Variants in SPECC1 observed in about 807,000 individuals in gnomAD.
The protein encoded by SPECC1 is sperm antigen with calponin homology and coiled-coil domains 1.
A neutral mutation model predicts 104.1 loss-of-function variants in SPECC1; 62 were observed. The observed-to-expected ratio is 0.60, with a 90% CI of 0.49 to 0.74. The LOEUF (loss-of-function observed/expected upper bound fraction) is 0.74, where lower values mean the gene tolerates loss of function less well. Ranked by LOEUF, SPECC1 falls within the 30% of genes least tolerant of loss-of-function variation. The pLI is 0.00. For synonymous variants in SPECC1, 513 were observed against 501.6 expected (o/e 1.02, Z -0.30); for missense variants, 1,306 against 1,310.5 (o/e 1.00, Z 0.05).
chr17:20,165,071 C>T (rs1023290369), intron 3 of SPECC1, among the ~76,000 whole-genome samples: 3 of 152,058 alleles, frequency 2.0e-5, no homozygotes, highest in Admixed American at 1.3e-4. Flanking sequence ...TAAGGATACA[C>T]GTGCATGACA....
intron 3 of SPECC1, chr17:20,126,620 G>A (rs8077051): frequency 0.25 from 37,859 of 152,120 alleles, 5,920 homozygotes; most frequent in African/African-American, 0.45. Context: ...AGTCATATCA[G>A]CTGCAGATAA....
chr17:20,165,899 T>C (rs973771393), intron 3 of SPECC1, among the ~76,000 whole-genome samples: 5 of 152,198 alleles, frequency 3.3e-5, no homozygotes, highest in Non-Finnish European at 5.9e-5. Context: ...GTTTTTTTTT[T>C]CTTGTAAATT....
intron 3 of SPECC1, among the ~76,000 whole-genome samples, chr17:20,184,043 T>G (rs1186302967): frequency 2.0e-5 from 3 of 150,744 alleles, no homozygotes; most frequent in Non-Finnish European, 4.4e-5. Flanking sequence ...TAGCCAGGTG[T>G]GGTGGCACGT....
chr17:20,097,535 G>A (rs1220058524), intron 2 of SPECC1, among the ~76,000 whole-genome samples: 1 of 152,248 alleles, frequency 6.6e-6, no homozygotes, highest in East Asian at 1.9e-4. Context: ...ATGGATTTGA[G>A]ATGCAGACTG....
intron 12 of SPECC1, among the ~76,000 whole-genome samples, chr17:20,291,635 C>A (rs2041168197): frequency 6.6e-6 from 1 of 152,048 alleles, no homozygotes; most frequent in African/African-American, 2.4e-5. Context: ...AGCTCCGCAT[C>A]CTGGGCTCAA....
intron 12 of SPECC1, among the ~76,000 whole-genome samples, chr17:20,279,884 G>A (rs951500860): frequency 6.6e-6 from 1 of 152,176 alleles, no homozygotes; most frequent in African/African-American, 2.4e-5. Context: ...GGATGCAGAA[G>A]CAGAGTGGCT....
chr17:20,102,651 ATTG>A (rs2047997628), intron 2 of SPECC1, among the ~76,000 whole-genome samples: 1 of 152,080 alleles, frequency 6.6e-6, no homozygotes, highest in Admixed American at 6.6e-5. Context: ...TTTACTGAAT[ATTG>A]TTCTTGGATG....
At chr17:20,178,387 C>G (rs1379072280) in intron 3 of SPECC1, among the ~76,000 whole-genome samples, 3 of 152,080 alleles carry the variant, frequency 2.0e-5, no homozygotes, top group Non-Finnish European at 4.4e-5. Flanking sequence ...GTGTTTTTCT[C>G]TGTGTGATGA....
chr17:20,124,170 CAG>C (rs2049172590), intron 3 of SPECC1, among the ~76,000 whole-genome samples: 1 of 150,760 alleles, frequency 6.6e-6, no homozygotes, highest in Non-Finnish European at 1.5e-5. Context: ...TAGATGGCAA[CAG>C]GGAGGGGAAG....
chr17:20,110,696 T>C (rs2048445463), intron 3 of SPECC1, 134 bp downstream of exon 3: 2 of 1,108,096 alleles, frequency 1.8e-6, no homozygotes, highest in Non-Finnish European at 1.2e-6. Flanking sequence ...CCGGAACTGT[T>C]TTAGGCAGAC....
chr17:20,021,697 TA>T (rs1233816893), intron 1 of SPECC1, among the ~76,000 whole-genome samples: 1,502 of 112,930 alleles, frequency 0.013, 12 homozygotes, highest in African/African-American at 0.034. Flanking sequence ...TATATATATA[TA>T]TATATTTTTT....
chr17:20,267,237 C>G (rs1478646345), intron 12 of SPECC1, among the ~76,000 whole-genome samples: 1 of 152,182 alleles, frequency 6.6e-6, no homozygotes, highest in Non-Finnish European at 1.5e-5. Flanking sequence ...TCTCAGTCCT[C>G]AAATTTCATA....
chr17:20,156,069 G>C (rs2032464639), intron 3 of SPECC1: 7 of 1,319,530 alleles, frequency 5.3e-6, no homozygotes, highest in Middle Eastern at 5.7e-4. Context: ...GAAGGCGCCC[G>C]GTCCTTTCTT....
chr17:20,055,234 C>T (rs1275432769), intron 1 of SPECC1, among the ~76,000 whole-genome samples: 1 of 150,858 alleles, frequency 6.6e-6, no homozygotes, highest in East Asian at 1.9e-4. Context: ...CCTCAAGATT[C>T]ATCCATGCTG....
chr17:20,264,581 C>T lies in SPECC1; in HGVS notation c.2940+4287C>T, dbSNP rs549229405. Among the ~76,000 whole-genome samples the T allele has an allele frequency of 8.7e-5, 13 of 149,332 alleles. No homozygotes were observed. In the East Asian group the frequency reaches 9.9e-4, roughly 11 times the overall value. On this transcript the variant is annotated intron_variant, in intron 12 of 14. Transcript: ENST00000395527. ...CCACCTCCCAGGTTCTAGCAATTCT[C>T]CTGCCTTAGCCTCCCAAGTAGCTGG... is the stretch of plus-strand genomic sequence containing the variant.
At chr17:20,184,984 C>T (rs1333905315) in intron 3 of SPECC1, 2 of 152,258 alleles carry the variant, frequency 1.3e-5, no homozygotes, top group African/African-American at 4.8e-5. Context: ...TTGTATTTAA[C>T]AGCGAGTGGG....
intron 12 of SPECC1, among the ~76,000 whole-genome samples, chr17:20,262,282 T>G (rs1464448898): frequency 6.6e-6 from 1 of 152,244 alleles, no homozygotes; most frequent in Admixed American, 6.5e-5. Context: ...GCGTATTTCC[T>G]GAAAAACATA....
intron 4 of SPECC1, among the ~76,000 whole-genome samples, chr17:20,224,567 GC>G (rs2038095342): frequency 6.6e-6 from 1 of 151,914 alleles, no homozygotes; most frequent in African/African-American, 2.4e-5. Flanking sequence ...GGAAGACAAA[GC>G]CCTTTACCCT....
In SPECC1 at chr17:20,227,582, T is replaced by C; in HGVS notation, c.2033T>C (p.Val678Ala). Residue 678 changes from valine (V) to alanine (A), a missense_variant, in exon 5 of 15, where the codon GTC becomes GCC. Physicochemically the swap from Val to Ala is moderately conservative, Grantham distance 64 (BLOSUM62 0). This residue lies in a region of SPECC1 where 1,177 missense variants were observed against 1,139.9 expected (regional missense o/e 1.03). Transcript: ENST00000395527. ...LEDQVEQHRA[V>A]KLHNNQLISE... The stretch of plus-strand genomic sequence containing the variant: ...GATCAGGTGGAACAGCACCGGGCTG[T>C]CAAGTTACACAATAATCAACTCATC... 6.2e-7 allele frequency: 1 copy of C among 1,611,450 alleles called. No homozygotes were observed. The highest frequency in any genetic ancestry group is 2.2e-5 in the East Asian group (1 of 44,852).
Sources: gnomAD v4.1 joint callset for allele counts (sites outside exome capture counted in the v4.1 genomes callset) on GRCh38, gnomAD v4.1.1 for gene constraint, gnomAD v4.1.1 regional missense constraint, MANE v1.5 for transcripts, NCBI Gene and HGNC (gene_info 2026-07-23, HGNC 2026-07-21) for gene names.